The following CADM1 variants were observed in gnomAD, a reference collection of about 807,000 sequenced individuals.
CADM1 encodes the protein cell adhesion molecule 1.
Under a neutral mutation model 53.1 loss-of-function variants are expected in CADM1, and 15 were observed. The ratio of observed to expected loss-of-function variants is 0.28; its 90% CI spans 0.19 to 0.44. CADM1 has a LOEUF of 0.44. Among genes scored for constraint, CADM1 ranks in the 20% least tolerant of loss-of-function variants. The probability of loss-of-function intolerance (pLI) is 1.00; values close to 1 mark genes in which losing one functional copy is unlikely to be tolerated. For synonymous variants in CADM1, 281 were observed against 243.0 expected (o/e 1.16, Z -1.45); for missense variants, 434 against 611.3 (o/e 0.71, Z 3.06).
chr11:115,319,239 C>T (rs542064701), intron 1 of CADM1, among the ~76,000 whole-genome samples: 18 of 152,234 alleles, frequency 1.2e-4, no homozygotes, highest in South Asian at 4.1e-4. Flanking sequence ...GGAAGTGTTG[C>T]GTGGGTTGGA....
chr11:115,331,362 G>A (rs1945123478), intron 1 of CADM1, among the ~76,000 whole-genome samples: 1 of 152,068 alleles, frequency 6.6e-6, no homozygotes, highest in Non-Finnish European at 1.5e-5. Flanking sequence ...CTAAACAAAA[G>A]AGCCTCCCAC....
At chr11:115,494,585 G>A (rs1384186480) in intron 1 of CADM1, among the ~76,000 whole-genome samples, 3 of 151,954 alleles carry the variant, frequency 2.0e-5, no homozygotes, top group African/African-American at 4.8e-5. Flanking sequence ...TTGCTGTCAC[G>A]GTGTTCTTCA....
intron 1 of CADM1, among the ~76,000 whole-genome samples, chr11:115,478,364 AG>A (rs1425124871): frequency 1.3e-5 from 2 of 152,200 alleles, no homozygotes; most frequent in Admixed American, 1.3e-4. Context: ...GAAAATGTGA[AG>A]AAAAAAAGGG....
intron 1 of CADM1, among the ~76,000 whole-genome samples, chr11:115,284,108 CTCTCTCTG>C (rs1178612801): frequency 7.4e-6 from 1 of 134,522 alleles, no homozygotes; most frequent in Non-Finnish European, 1.6e-5. Flanking sequence ...CTCTCTCTCT[CTCTCTCTG>C]TGTGTGTGTG....
In CADM1 at chr11:115,502,327, CTTTTTTTTTT is replaced by C. The variant is rs11358670; in HGVS notation, c.124+1934_124+1943del. ...ACCACAGCTTTCCACCGCCCCCCGGCTTTTTTTTTTTTTTTTTTTTTTTTTTTTGCAGCCA... is the reference window on the plus strand; with the variant it reads ...ACCACAGCTTTCCACCGCCCCCCGGCTTTTTTTTTTTTTTTTTTGCAGCCA... On this transcript the variant is annotated intron_variant, in intron 1 of 11. Transcript: ENST00000331581. Among the ~76,000 whole-genome samples, 276 of 52,392 alleles carry C rather than the reference CTTTTTTTTTT, an allele frequency of 5.3e-3. 1 individual carries two copies. Among genetic ancestry groups the C allele is most frequent in the African/African-American group, 0.017 (206 of 12,458 alleles). The allele number at this position is 52,392 out of a possible 152,430, so 34.4% of individuals were successfully genotyped here.
intron 1 of CADM1, among the ~76,000 whole-genome samples, chr11:115,340,638 A>T (rs1350191512): frequency 2.9e-5 from 1 of 34,258 alleles, no homozygotes; most frequent in African/African-American, 1.1e-4. Context: ...ATATATATAT[A>T]TATATATATA....
At position 115,284,132 on chromosome 11, in the gene CADM1, G is replaced by C. The variant is rs1336491625; in HGVS notation, c.125-43712C>G. Among the ~76,000 whole-genome samples the C allele has an allele frequency of 4.8e-3, 336 of 69,538 alleles. 6 individuals are homozygous for C. In the East Asian group the frequency reaches 0.12, roughly 25 times the overall value. The allele number at this position is 69,538 out of a possible 152,430, so 45.6% of individuals were successfully genotyped here. ...TCTCTCTCTGTGTGTGTGTGTGTGT[G>C]TGTGTGTGTGTGTGTGTGTGTGTAT... On this transcript the variant is annotated intron_variant, in intron 1 of 11. Transcript: ENST00000331581.
At chr11:115,266,905 G>A (rs543198931) in intron 1 of CADM1, among the ~76,000 whole-genome samples, 15 of 152,306 alleles carry the variant, frequency 9.8e-5, no homozygotes, top group African/African-American at 3.4e-4. Flanking sequence ...CACAAAACTA[G>A]GAAATTGTTT....
intron 1 of CADM1, among the ~76,000 whole-genome samples, chr11:115,388,630 A>G (rs1329340692): frequency 6.6e-6 from 1 of 152,144 alleles, no homozygotes; most frequent in African/African-American, 2.4e-5. Context: ...AGGACATGTT[A>G]CTTCAGTATT....
chr11:115,178,402 A>T (rs1939137267), intron 11 of CADM1, among the ~76,000 whole-genome samples: 1 of 151,956 alleles, frequency 6.6e-6, no homozygotes, highest in African/African-American at 2.4e-5. Flanking sequence ...AAAGCTTTAT[A>T]TTTAGAGAAA....
chr11:115,386,694 A>G (rs1946706808), intron 1 of CADM1, among the ~76,000 whole-genome samples: 1 of 92,922 alleles, frequency 1.1e-5, no homozygotes. Flanking sequence ...TGAATAGATT[A>G]ATCAATTCAT....
chr11:115,313,794 G>C (rs1317081893), intron 1 of CADM1, among the ~76,000 whole-genome samples: 1 of 152,064 alleles, frequency 6.6e-6, no homozygotes, highest in Non-Finnish European at 1.5e-5. Context: ...TCCTCCTTCT[G>C]GGAAGCTGAA....
intron 1 of CADM1, among the ~76,000 whole-genome samples, chr11:115,263,345 T>G (rs1024552844): frequency 6.6e-6 from 1 of 152,246 alleles, no homozygotes; most frequent in Non-Finnish European, 1.5e-5. Flanking sequence ...TGTAGATATA[T>G]GTGTATGTTA....
intron 1 of CADM1, among the ~76,000 whole-genome samples, chr11:115,501,064 C>A (rs933188639): frequency 1.3e-5 from 2 of 152,302 alleles, no homozygotes; most frequent in Admixed American, 6.5e-5. Flanking sequence ...TTATTCCCCC[C>A]CTTTTTCGTA....
At chr11:115,190,236 C>T (rs1287302093) in intron 10 of CADM1, among the ~76,000 whole-genome samples, 1 of 152,162 alleles carries the variant, frequency 6.6e-6, no homozygotes, top group Non-Finnish European at 1.5e-5. Flanking sequence ...CTTTAAATCT[C>T]CTCCCTCCCT....
intron 1 of CADM1, among the ~76,000 whole-genome samples, chr11:115,493,735 T>A (rs1213223355): frequency 2.0e-5 from 3 of 152,108 alleles, no homozygotes; most frequent in Non-Finnish European, 4.4e-5. Context: ...AGATGTTTAA[T>A]CTGAACTGAA....
intron 1 of CADM1, among the ~76,000 whole-genome samples, chr11:115,449,993 C>A (rs1053675764): frequency 6.6e-6 from 1 of 151,286 alleles, no homozygotes. Flanking sequence ...TTCATTCATT[C>A]ATTCCATTCA....
At chr11:115,178,488 T>G (rs536416719) in intron 11 of CADM1, among the ~76,000 whole-genome samples, 156 bp downstream of exon 11, 49 of 151,688 alleles carry the variant, frequency 3.2e-4, no homozygotes, top group East Asian at 7.7e-4. Context: ...GTTTTGTTTT[T>G]TTTTTTTTTT....
intron 1 of CADM1, among the ~76,000 whole-genome samples, chr11:115,387,056 C>T (rs1946717801): frequency 6.6e-6 from 1 of 152,172 alleles, no homozygotes; most frequent in African/African-American, 2.4e-5. Flanking sequence ...AAGCCTCTGT[C>T]GTGAAGTGCC....
Sources: gnomAD v4.1 joint callset for allele counts (sites outside exome capture counted in the v4.1 genomes callset) on GRCh38, gnomAD v4.1.1 for gene constraint, MANE v1.5 for transcripts, NCBI Gene and HGNC (gene_info 2026-07-23, HGNC 2026-07-21) for gene names.